Variants in CACNA1G observed in about 807,000 individuals in gnomAD.
CACNA1G encodes voltage-dependent T-type calcium channel subunit alpha-1G.
CACNA1G carries 67 observed loss-of-function variants against 219.4 expected under a neutral mutation model. The ratio of observed to expected loss-of-function variants is 0.31; its 90% CI spans 0.25 to 0.37. The LOEUF is 0.37. CACNA1G is among the 10% of genes least tolerant of loss of function. CACNA1G has a pLI of 1.00. For synonymous variants in CACNA1G, 1,296 were observed against 1,345.3 expected (o/e 0.96, Z 0.80); for missense variants, 2,380 against 3,231.4 (o/e 0.74, Z 6.39).
chr17:50,616,521 G>A (rs562842828), intron 28 of CACNA1G, 137 bp downstream of exon 28: 26 of 565,254 alleles, frequency 4.6e-5, no homozygotes, highest in Non-Finnish European at 7.0e-5. Flanking sequence ...TGTGGCTGAC[G>A]TAGGGGACTA....
In CACNA1G at chr17:50,599,429, C is replaced by G; in HGVS notation, c.3260C>G (p.Pro1087Arg). ...PGAAHEMKSP[P>R]SARSSPHSPW... ...CACTCCTCCCCTGCTCACCCACAGC[C>G]CAGCGCCCGCAGCTCTCCGCACAGC... The change falls in exon 17 of 38, where the codon CCC becomes CGC. Residue 1087 changes from proline to arginine, a missense_variant and splice_region_variant. Transcript: ENST00000359106. 6.5e-7 allele frequency: 1 copy of G among 1,541,688 alleles called. No individual in the cohort carries two copies.
At position 50,591,426 on chromosome 17, in the gene CACNA1G, C is replaced by T; in HGVS notation, c.2454-9C>T. The T allele has an allele frequency of 6.5e-7, 1 of 1,547,472 alleles. No homozygotes were observed. The highest frequency in any genetic ancestry group is 8.7e-7 in the Non-Finnish European group (1 of 1,148,418). ...TGCAGGGGGCTCAGGCTGCCTGCCC[C>T]CTTTGCAGCGTGTGGGAGATCGTGG... On this transcript the variant is annotated splice_polypyrimidine_tract_variant and intron_variant, in intron 10 of 37. Coordinates refer to ENST00000359106, the MANE Select transcript of CACNA1G (RefSeq NM_018896.5).
chr17:50,566,378 C>T (rs1240822681), intron 1 of CACNA1G, among the ~76,000 whole-genome samples: 2 of 151,932 alleles, frequency 1.3e-5, no homozygotes, highest in East Asian at 1.9e-4. Context: ...CTTCCCTGTC[C>T]GTTTATGCTT....
At chr17:50,611,567 C>T (rs886124745) in intron 26 of CACNA1G, among the ~76,000 whole-genome samples, 6 of 152,164 alleles carry the variant, frequency 3.9e-5, no homozygotes, top group Admixed American at 3.3e-4. Flanking sequence ...GAGTCTCTGG[C>T]TGGTTTGTGT....
At position 50,626,217 on chromosome 17, in the gene CACNA1G, A is replaced by G. The variant is rs779931575; in HGVS notation, c.6600A>G (p.Pro2200=). 2 of 1,613,766 alleles carry G rather than the reference A, an allele frequency of 1.2e-6. No individual in the cohort carries two copies. The highest frequency in any genetic ancestry group is 1.7e-6 in the Non-Finnish European group (2 of 1,179,848). Residue 2200 remains proline, a synonymous_variant, in exon 38 of 38, where the codon CCA becomes CCG. Transcript: ENST00000359106. The surrounding 1 kb of genome is among the most constrained non-coding windows in gnomAD (Gnocchi z 4.3). ...CCCCGCCAGCCCCTTGCCCAGGCCCAGAACCCAACTGGGGCAAGGGCCCTC... is the reference window on the plus strand; with the variant it reads ...CCCCGCCAGCCCCTTGCCCAGGCCCGGAACCCAACTGGGGCAAGGGCCCTC... ...HMTPPAPCPG[P]EPNWGKGPPE... is the part of the protein sequence containing the mutation.
At chr17:50,612,996 G>A (rs758999468) in intron 26 of CACNA1G, among the ~76,000 whole-genome samples, 2 of 152,208 alleles carry the variant, frequency 1.3e-5, no homozygotes, top group Admixed American at 6.5e-5. Flanking sequence ...CTGCAGAGCC[G>A]AGGTCCAGAG....
At chr17:50,608,216 C>T (rs1310931170) in intron 25 of CACNA1G, among the ~76,000 whole-genome samples, 197 bp downstream of exon 25, 1 of 152,130 alleles carries the variant, frequency 6.6e-6, no homozygotes, top group African/African-American at 2.4e-5. Context: ...ACTTCAGCCC[C>T]ATGGGTAGGG....
In CACNA1G at chr17:50,600,580, G is replaced by C. The variant is rs2046421859; in HGVS notation, c.3691-146G>C. ...ACAGGGAGATGAGGAGGTGGCTTTAGGAATAAAGGAAGAGAGGCAGGGCAG... is the reference window on the plus strand; with the variant it reads ...ACAGGGAGATGAGGAGGTGGCTTTACGAATAAAGGAAGAGAGGCAGGGCAG... On this transcript the variant is annotated intron_variant, in intron 17 of 37. Transcript: ENST00000359106. The surrounding 1 kb of genome is among the most constrained non-coding windows in gnomAD (Gnocchi z 4.1). The C allele has an allele frequency of 1.5e-6, 1 of 676,702 alleles. No individual in the cohort carries two copies. Among genetic ancestry groups the C allele is most frequent in the African/African-American group, 1.8e-5 (1 of 55,964 alleles). The allele number at this position is 676,702 out of a possible 1,614,324, so 41.9% of individuals were successfully genotyped here.
chr17:50,575,509 A>T lies in CACNA1G; in HGVS notation c.1141-34A>T, dbSNP rs755405289. On this transcript the variant is annotated intron_variant, in intron 7 of 37. Transcript: ENST00000359106. ...CTGGCATTGTGATTCACTTTTCTTC[A>T]GGACATTTCCTCTTCCTGTCCCCAC... 7 of 1,567,206 alleles carry T rather than the reference A, an allele frequency of 4.5e-6. No homozygotes were observed. The South Asian group carries it at 8.2e-5, about 18-fold the overall frequency.
chr17:50,599,841 C>T lies in CACNA1G; in HGVS notation c.3672C>T (p.Ala1224=), dbSNP rs769167621. ...PDDPPLDGDD[A]DDEGNLSKGE... ...ACCCCCCACTGGATGGGGATGACGC[C>T]GATGACGAGGGCAACCTGGTGAGGC... Residue 1224 remains alanine (A), a synonymous_variant, in exon 17 of 38, where the codon GCC becomes GCT. Transcript: ENST00000359106. 12 of 1,607,806 alleles carry T rather than the reference C, an allele frequency of 7.5e-6. No individual in the cohort carries two copies. The highest frequency in any genetic ancestry group is 6.7e-5 in the East Asian group (3 of 44,850).
chr17:50,570,264 G>A (rs922514637), intron 4 of CACNA1G, among the ~76,000 whole-genome samples: 5 of 152,136 alleles, frequency 3.3e-5, no homozygotes, highest in Non-Finnish European at 5.9e-5. Flanking sequence ...CTCACCCTCC[G>A]CCTCTGTCCC....
At chr17:50,566,950 A>C (rs954140216) in intron 1 of CACNA1G, among the ~76,000 whole-genome samples, 11 of 152,160 alleles carry the variant, frequency 7.2e-5, no homozygotes, top group African/African-American at 2.7e-4. Context: ...CTGCCTCCAC[A>C]CAGAGACATT....
chr17:50,606,180 C>G (rs769732092), intron 23 of CACNA1G, 157 bp downstream of exon 23: 1 of 1,052,066 alleles, frequency 9.5e-7, no homozygotes, highest in Non-Finnish European at 1.5e-6. Context: ...TGTCGCAAAG[C>G]CCAGTCCATC....
At chr17:50,572,488 T>C in intron 5 of CACNA1G, 66 bp from the exon 6 acceptor site, 2 of 1,372,262 alleles carry the variant, frequency 1.5e-6, no homozygotes, top group Non-Finnish European at 2.0e-6. Context: ...ATCTCTCCCT[T>C]CCTGGGCCCT....
Position 50,618,638 on chromosome 17 carries a change from T to C in CACNA1G, c.5428-17T>C, listed in dbSNP as rs752354418. 5.0e-6 allele frequency: 8 copies of C among 1,587,590 alleles called. No homozygotes were observed. The highest frequency in any genetic ancestry group is 6.9e-6 in the Non-Finnish European group (8 of 1,157,256). ...ACTGTCCTCCCCAGCCTCACCCCTCTATTCCACCCTCCCCAGGACACCCTC... is the reference window on the plus strand; with the variant it reads ...ACTGTCCTCCCCAGCCTCACCCCTCCATTCCACCCTCCCCAGGACACCCTC... On this transcript the variant is annotated splice_polypyrimidine_tract_variant and intron_variant, in intron 32 of 37. Transcript: ENST00000359106. The surrounding 1 kb of genome is among the most constrained non-coding windows in gnomAD (Gnocchi z 5.3).
chr17:50,577,186 C>T (rs1007952708), intron 8 of CACNA1G, among the ~76,000 whole-genome samples: 5 of 152,230 alleles, frequency 3.3e-5, no homozygotes, highest in South Asian at 2.1e-4. Context: ...CATGCACCCA[C>T]GTTTTTATTT....
chr17:50,605,453 C>T (rs541528682), intron 22 of CACNA1G, among the ~76,000 whole-genome samples: 39 of 152,236 alleles, frequency 2.6e-4, no homozygotes, highest in Middle Eastern at 3.4e-3. Context: ...AAATGCCCAG[C>T]TCAGTGGTTC....
chr17:50,563,443 C>A (rs1319915337), intron 1 of CACNA1G, among the ~76,000 whole-genome samples: 1 of 152,232 alleles, frequency 6.6e-6, no homozygotes, highest in East Asian at 1.9e-4. Flanking sequence ...TGCCCCTAAT[C>A]ATTTACCCCT....
At chr17:50,592,519 A>G (rs1049915342) in intron 13 of CACNA1G, among the ~76,000 whole-genome samples, 9 of 152,188 alleles carry the variant, frequency 5.9e-5, no homozygotes, top group African/African-American at 2.2e-4. Flanking sequence ...GCAGATGAAG[A>G]TGCCACTAAG....
Sources: gnomAD v4.1 joint callset for allele counts (sites outside exome capture counted in the v4.1 genomes callset) on GRCh38, gnomAD v4.1.1 for gene constraint, Gnocchi (gnomAD v3.1) non-coding constraint, MANE v1.5 for transcripts, NCBI Gene and HGNC (gene_info 2026-07-23, HGNC 2026-07-21) for gene names.